PCSK2: variants seen among roughly 807,000 people sequenced by gnomAD.
The protein encoded by PCSK2 is proprotein convertase subtilisin/kexin type 2.
A neutral mutation model predicts 69.7 loss-of-function variants in PCSK2; 14 were observed. The ratio of observed to expected loss-of-function variants is 0.20; its 90% CI spans 0.13 to 0.31. The LOEUF is 0.31. Among genes scored for constraint, PCSK2 ranks in the 10% least tolerant of loss-of-function variants. The probability of loss-of-function intolerance (pLI) is 1.00; values close to 1 mark genes in which losing one functional copy is unlikely to be tolerated. For missense variants in PCSK2, 544 were observed against 842.5 expected, an observed-to-expected ratio of 0.65 and a Z score of 4.39; for synonymous variants, 307 against 320.7, an observed-to-expected ratio of 0.96 and a Z score of 0.46.
chr20:17,239,306 T>G (rs1986464521), intron 1 of PCSK2, among the ~76,000 whole-genome samples: 1 of 152,186 alleles, frequency 6.6e-6, no homozygotes. Context: ...CAAGAGTCAA[T>G]TCTAGTCAGT....
intron 11 of PCSK2, among the ~76,000 whole-genome samples, chr20:17,473,124 C>T (rs953505493): frequency 5.4e-5 from 6 of 111,686 alleles, no homozygotes; most frequent in African/African-American, 6.9e-5. Context: ...GATCGAGTCT[C>T]ACTGTGTCAC....
At chr20:17,319,668 G>A (rs1265819632) in intron 2 of PCSK2, among the ~76,000 whole-genome samples, 2 of 152,102 alleles carry the variant, frequency 1.3e-5, no homozygotes, top group Non-Finnish European at 1.5e-5. Flanking sequence ...GAAATCACAA[G>A]GGGGTGAACA....
chr20:17,349,364 C>G (rs2029902903), intron 2 of PCSK2, among the ~76,000 whole-genome samples: 1 of 152,180 alleles, frequency 6.6e-6, no homozygotes, highest in Non-Finnish European at 1.5e-5. Flanking sequence ...GATACACAAC[C>G]CAATCCATCT....
intron 3 of PCSK2, among the ~76,000 whole-genome samples, chr20:17,359,367 A>C (rs976772489): frequency 8.5e-5 from 13 of 152,164 alleles, no homozygotes; most frequent in African/African-American, 3.1e-4. Context: ...TGCAATAATG[A>C]ACAACCCTCG....
intron 8 of PCSK2, among the ~76,000 whole-genome samples, chr20:17,439,243 C>T (rs1206622551): frequency 6.6e-6 from 1 of 152,058 alleles, no homozygotes; most frequent in Middle Eastern, 3.2e-3. Flanking sequence ...TCAAGTGATT[C>T]TCCTGCCTCA....
chr20:17,429,455 G>C lies in PCSK2; in HGVS notation c.641G>C (p.Gly214Ala). 6.2e-7 allele frequency: 1 copy of C among 1,613,870 alleles called. No individual in the cohort carries two copies. The highest frequency in any genetic ancestry group is 1.1e-5 in the South Asian group (1 of 91,042). ...WFNSHGTRCA[G>A]EVSAAANNNI... ...CAAAGCCACGGGACCCGATGTGCAGGAGAAGTTTCTGCTGCCGCCAACAAC... is the reference window on the plus strand; with the variant it reads ...CAAAGCCACGGGACCCGATGTGCAGCAGAAGTTTCTGCTGCCGCCAACAAC... The change falls in exon 7 of 12, where the codon GGA becomes GCA. Residue 214 changes from glycine to alanine, a missense_variant. Physicochemically the swap from Gly to Ala is moderately conservative, Grantham distance 60. Around this residue, in one of 3 missense-constraint regions of PCSK2, gnomAD observed 187 missense variants for 399.8 expected, o/e 0.47. Transcript: ENST00000262545.
At chr20:17,303,518 TA>T (rs1989211067) in intron 2 of PCSK2, among the ~76,000 whole-genome samples, 1 of 56,350 alleles carries the variant, frequency 1.8e-5, no homozygotes, top group Non-Finnish European at 3.1e-5. Context: ...TTATATATAA[TA>T]TAATATATAT....
intron 1 of PCSK2, among the ~76,000 whole-genome samples, chr20:17,248,811 T>A (rs1182893662): frequency 6.6e-6 from 1 of 152,154 alleles, no homozygotes; most frequent in African/African-American, 2.4e-5. Context: ...CTCATCTCCA[T>A]CAGGAATTCC....
intron 4 of PCSK2, among the ~76,000 whole-genome samples, chr20:17,361,771 T>C (rs1229313220): frequency 6.6e-6 from 1 of 152,208 alleles, no homozygotes; most frequent in Admixed American, 6.5e-5. Flanking sequence ...CATTTTTAAG[T>C]GGATGTAAAA....
chr20:17,433,663 G>A (rs1302667829), intron 7 of PCSK2, among the ~76,000 whole-genome samples: 1 of 152,214 alleles, frequency 6.6e-6, no homozygotes, highest in Non-Finnish European at 1.5e-5. Context: ...TTAATGTGCT[G>A]TGCAGGCCTG....
At chr20:17,451,733 G>T (rs755909689) in intron 8 of PCSK2, among the ~76,000 whole-genome samples, 1 of 152,010 alleles carries the variant, frequency 6.6e-6, no homozygotes, top group African/African-American at 2.4e-5. Context: ...AATAATTAGG[G>T]TCACAATCAA....
intron 2 of PCSK2, among the ~76,000 whole-genome samples, chr20:17,335,822 A>AT (rs1357509085): frequency 7.1e-6 from 1 of 140,276 alleles, no homozygotes; most frequent in South Asian, 2.3e-4. Flanking sequence ...AAATGCCATT[A>AT]TTTTTTTCCT....
intron 2 of PCSK2, among the ~76,000 whole-genome samples, chr20:17,322,815 C>T (rs566262749): frequency 2.3e-4 from 35 of 152,292 alleles, no homozygotes; most frequent in African/African-American, 7.5e-4. Context: ...GGAAGTGGCA[C>T]CTTCATGACT....
At chr20:17,242,397 C>G (rs559488162) in intron 1 of PCSK2, among the ~76,000 whole-genome samples, 2 of 152,172 alleles carry the variant, frequency 1.3e-5, no homozygotes, top group East Asian at 3.9e-4. Context: ...TGTGTTGAGC[C>G]CTATGAAGAT....
chr20:17,304,966 G>A (rs923616680), intron 2 of PCSK2, among the ~76,000 whole-genome samples: 5 of 152,136 alleles, frequency 3.3e-5, no homozygotes, highest in Non-Finnish European at 5.9e-5. Context: ...TCAGCAGGCT[G>A]CAGCTCCTCC....
intron 6 of PCSK2, among the ~76,000 whole-genome samples, chr20:17,414,898 C>T (rs368248661): frequency 5.3e-5 from 8 of 152,236 alleles, no homozygotes; most frequent in African/African-American, 7.2e-5. Context: ...AATCAGTAAA[C>T]GTAATCCATC....
chr20:17,381,583 A>C (rs1285724515), intron 5 of PCSK2, among the ~76,000 whole-genome samples: 15 of 152,176 alleles, frequency 9.9e-5, no homozygotes, highest in Non-Finnish European at 1.5e-5. Context: ...CCCATCTATA[A>C]TTGTCATCCC....
chr20:17,384,424 CCA>C (rs1491518920), intron 5 of PCSK2, among the ~76,000 whole-genome samples: 1,378 of 76,292 alleles, frequency 0.018, 9 homozygotes, highest in South Asian at 0.045. Context: ...TCCATATCTA[CCA>C]AAAAAAAAAA....
chr20:17,273,857 T>C (rs113601891), intron 2 of PCSK2, among the ~76,000 whole-genome samples: 5 of 152,264 alleles, frequency 3.3e-5, no homozygotes, highest in African/African-American at 1.2e-4. Context: ...TTTCACCATC[T>C]TGAAACGCCA....
Sources: gnomAD v4.1 joint callset for allele counts (sites outside exome capture counted in the v4.1 genomes callset) on GRCh38, gnomAD v4.1.1 for gene constraint, gnomAD v4.1.1 regional missense constraint, MANE v1.5 for transcripts, NCBI Gene and HGNC (gene_info 2026-07-23, HGNC 2026-07-21) for gene names.